The following TES variants were observed in gnomAD, a reference collection of about 807,000 sequenced individuals.
TES encodes testin LIM domain protein, also known as testin.
A neutral mutation model predicts 48.2 loss-of-function variants in TES; 41 were observed. That is an observed-to-expected ratio of 0.85 (90% confidence interval 0.66 to 1.10). The LOEUF is 1.10. Ranked by LOEUF, TES falls within the 50% of genes least tolerant of loss-of-function variation. The probability of loss-of-function intolerance (pLI) is 0.00; values close to 1 mark genes in which losing one functional copy is unlikely to be tolerated. For synonymous variants in TES, 162 were observed against 174.9 expected, an observed-to-expected ratio of 0.93 and a Z score of 0.58; for missense variants, 463 against 515.1, an observed-to-expected ratio of 0.90 and a Z score of 0.98.
intron 3 of TES, 52 bp downstream of exon 3, chr7:116,249,324 T>G: frequency 6.2e-7 from 1 of 1,605,450 alleles, no homozygotes; most frequent in Non-Finnish European, 8.5e-7. Flanking sequence ...GGAGTATTTA[T>G]TTGGGGCAGT....
chr7:116,229,373 A>G (rs1393561448), intron 1 of TES, among the ~76,000 whole-genome samples: 1 of 152,142 alleles, frequency 6.6e-6, no homozygotes, highest in African/African-American at 2.4e-5. Context: ...AACACTAAGG[A>G]GAAGGTGTGG....
intron 1 of TES, 91 bp from the exon 2 acceptor site, chr7:116,234,443 A>T: frequency 9.2e-7 from 1 of 1,091,470 alleles, no homozygotes. Flanking sequence ...ATCTCAACAC[A>T]AGTGGTAAGT....
intron 1 of TES, among the ~76,000 whole-genome samples, chr7:116,226,845 G>A (rs761012985): frequency 1.3e-5 from 2 of 152,188 alleles, no homozygotes; most frequent in Non-Finnish European, 2.9e-5. Flanking sequence ...GACCAAGTGG[G>A]TGGTGACAAC....
At chr7:116,226,857 T>C (rs550065153) in intron 1 of TES, among the ~76,000 whole-genome samples, 6 of 152,274 alleles carry the variant, frequency 3.9e-5, no homozygotes, top group African/African-American at 1.2e-4. Flanking sequence ...GGTGACAACT[T>C]TGTCTTCAGT....
chr7:116,224,343 TTATGAATCTAGAA>T (rs1179552598), intron 1 of TES, among the ~76,000 whole-genome samples: 1 of 152,212 alleles, frequency 6.6e-6, no homozygotes, highest in East Asian at 1.9e-4. Flanking sequence ...AGGTGTTCCA[TTATGAATCTAGAA>T]ATTCAGTGAT....
intron 2 of TES, among the ~76,000 whole-genome samples, chr7:116,246,900 T>G (rs1336529425): frequency 6.6e-6 from 1 of 151,528 alleles, no homozygotes; most frequent in Admixed American, 6.6e-5. Context: ...TTATTTAATG[T>G]CTATCTCCCA....
chr7:116,252,068 A>G, intron 5 of TES, 93 bp downstream of exon 5: 1 of 1,305,318 alleles, frequency 7.7e-7, no homozygotes, highest in Non-Finnish European at 1.1e-6. Context: ...ACCAAACAGC[A>G]GTTGCTCTGT....
intron 1 of TES, among the ~76,000 whole-genome samples, chr7:116,226,975 G>C (rs1172299317): frequency 6.6e-6 from 1 of 152,138 alleles, no homozygotes; most frequent in Admixed American, 6.5e-5. Context: ...ACTAATTGTA[G>C]CTCTTAATCA....
intron 2 of TES, among the ~76,000 whole-genome samples, chr7:116,242,541 CTCTG>C (rs1453590055): frequency 6.6e-4 from 62 of 94,002 alleles, no homozygotes; most frequent in African/African-American, 3.2e-3. Flanking sequence ...CTCTCTCTGT[CTCTG>C]TCTCGGAATA....
intron 6 of TES, among the ~76,000 whole-genome samples, chr7:116,253,297 T>A (rs1800045317): frequency 6.6e-6 from 1 of 152,196 alleles, no homozygotes; most frequent in Admixed American, 6.5e-5. Flanking sequence ...AGGTAACAAG[T>A]TTTTATGTCA....
chr7:116,217,263 T>A (rs1799504803), intron 1 of TES, among the ~76,000 whole-genome samples: 1 of 152,180 alleles, frequency 6.6e-6, no homozygotes, highest in Admixed American at 6.5e-5. Context: ...TTGTCTTAAG[T>A]AATAGCAAAT....
chr7:116,250,589 G>C (rs771927263), intron 4 of TES, 93 bp downstream of exon 4: 7 of 958,384 alleles, frequency 7.3e-6, no homozygotes, highest in Non-Finnish European at 1.0e-5. Flanking sequence ...ATTCCTCTGA[G>C]TTTCCAAAAG....
At chr7:116,218,136 C>A (rs1006046986) in intron 1 of TES, among the ~76,000 whole-genome samples, 1 of 152,062 alleles carries the variant, frequency 6.6e-6, no homozygotes, top group African/African-American at 2.4e-5. Context: ...TGAATGACAG[C>A]AAAGTTACTA....
intron 1 of TES, among the ~76,000 whole-genome samples, chr7:116,228,526 A>G (rs541287639): frequency 2.0e-5 from 3 of 152,296 alleles, no homozygotes; most frequent in Admixed American, 6.5e-5. Flanking sequence ...TTGAGTCTGC[A>G]GGGAATACCG....
chr7:116,216,241 C>A (rs1368969435), intron 1 of TES, among the ~76,000 whole-genome samples: 1 of 152,106 alleles, frequency 6.6e-6, no homozygotes, highest in East Asian at 1.9e-4. Flanking sequence ...TTTTTACATA[C>A]CAATCACTAG....
At chr7:116,243,368 CCT>C (rs1799874757) in intron 2 of TES, among the ~76,000 whole-genome samples, 2 of 152,254 alleles carry the variant, frequency 1.3e-5, no homozygotes, top group African/African-American at 2.4e-5. Context: ...ACTCCCTACT[CCT>C]CTGTTTTTCT....
chr7:116,217,724 A>G (rs1799509879), intron 1 of TES: 1 of 510,520 alleles, frequency 2.0e-6, no homozygotes, highest in South Asian at 1.5e-5. Flanking sequence ...TTCTTTGAGT[A>G]AATATCCATG....
At chr7:116,251,500 G>A (rs1351556476) in intron 4 of TES, 1 of 384,136 alleles carries the variant, frequency 2.6e-6, no homozygotes, top group African/African-American at 2.1e-5. Context: ...GGCTAACACG[G>A]TGAAACCCCG....
chr7:116,247,978 C>A (rs535305324), intron 2 of TES, among the ~76,000 whole-genome samples: 1 of 152,164 alleles, frequency 6.6e-6, no homozygotes, highest in East Asian at 1.9e-4. Flanking sequence ...ACCCTCCCCA[C>A]TCTAATATTC....
Sources: gnomAD v4.1 joint callset for allele counts (sites outside exome capture counted in the v4.1 genomes callset) on GRCh38, gnomAD v4.1.1 for gene constraint, MANE v1.5 for transcripts, NCBI Gene and HGNC (gene_info 2026-07-23, HGNC 2026-07-21) for gene names.